RBFOX1: variants seen among roughly 807,000 people sequenced by gnomAD.
RBFOX1 encodes RNA binding protein fox-1 homolog 1.
RBFOX1 carries 8 observed loss-of-function variants against 57.7 expected under a neutral mutation model. The ratio of observed to expected loss-of-function variants is 0.14; its 90% confidence interval spans 0.08 to 0.25. RBFOX1 has a LOEUF of 0.25. Among genes scored for constraint, RBFOX1 ranks in the 10% least tolerant of loss-of-function variants. The pLI, the probability that RBFOX1 is intolerant of heterozygous loss-of-function variation, is 1.00. For missense variants in RBFOX1, 611 were observed against 548.5 expected (o/e 1.11, Z -1.14); for synonymous variants, 326 against 222.4 (o/e 1.47, Z -4.15).
intron 1 of RBFOX1, among the ~76,000 whole-genome samples, chr16:6,141,584 C>T (rs1487427982): frequency 1.3e-5 from 2 of 152,168 alleles, no homozygotes; most frequent in Admixed American, 1.3e-4. Flanking sequence ...CCCTGCTTGT[C>T]CAATCCACCA....
At chr16:7,458,849 G>A (rs922284187) in intron 4 of RBFOX1, among the ~76,000 whole-genome samples, 7 of 152,104 alleles carry the variant, frequency 4.6e-5, no homozygotes, top group African/African-American at 1.7e-4. Context: ...ATCACCATTT[G>A]ACATACTATG....
At chr16:5,742,226 TCCTTCCTTCCTC>T (rs1212885535) in intron 3 of RBFOX1, among the ~76,000 whole-genome samples, 1 of 55,096 alleles carries the variant, frequency 1.8e-5, no homozygotes, top group Non-Finnish European at 4.2e-5. Context: ...CTTCCTCCCT[TCCTTCCTTCCTC>T]CCTTCCTTCC....
intron 4 of RBFOX1, among the ~76,000 whole-genome samples, chr16:7,056,295 C>G (rs573378864): frequency 3.3e-5 from 5 of 152,324 alleles, no homozygotes; most frequent in African/African-American, 1.2e-4. Flanking sequence ...AACAGGGAAA[C>G]TTGTTCATTC....
At chr16:7,193,319 A>G (rs777017176) in intron 4 of RBFOX1, among the ~76,000 whole-genome samples, 8 of 152,186 alleles carry the variant, frequency 5.3e-5, no homozygotes, top group Non-Finnish European at 1.2e-4. Flanking sequence ...GAGTCTAGAA[A>G]AGGCAAGAAC....
At chr16:6,999,229 A>ATTTTT (rs1208010446) in intron 3 of RBFOX1, among the ~76,000 whole-genome samples, 1 of 66,796 alleles carries the variant, frequency 1.5e-5, no homozygotes, top group African/African-American at 5.3e-5. Context: ...TTTTTTATTT[A>ATTTTT]TTTTTTTTTT....
chr16:6,541,410 C>T (rs147745005), intron 2 of RBFOX1, among the ~76,000 whole-genome samples: 2 of 152,316 alleles, frequency 1.3e-5, no homozygotes, highest in Admixed American at 6.5e-5. Context: ...CAGCACTGGA[C>T]AGTTCCCTGC....
chr16:6,507,405 T>G (rs979048860), intron 2 of RBFOX1, among the ~76,000 whole-genome samples: 1 of 147,926 alleles, frequency 6.8e-6, no homozygotes, highest in African/African-American at 2.5e-5. Context: ...GCATGGAGGC[T>G]AATGCCTGTA....
intron 3 of RBFOX1, among the ~76,000 whole-genome samples, chr16:6,702,549 A>G (rs1424673737): frequency 1.1e-4 from 4 of 35,982 alleles, no homozygotes; most frequent in African/African-American, 2.8e-4. Context: ...GCGAGAGTCC[A>G]TCTCAAAAAA....
chr16:6,333,953 G>C (rs745886456), intron 2 of RBFOX1, among the ~76,000 whole-genome samples: 1 of 152,146 alleles, frequency 6.6e-6, no homozygotes, highest in African/African-American at 2.4e-5. Context: ...GAGGGCCAAA[G>C]AACAATTAAA....
chr16:7,094,280 A>G (rs2061335095), intron 4 of RBFOX1, among the ~76,000 whole-genome samples: 1 of 152,134 alleles, frequency 6.6e-6, no homozygotes, highest in African/African-American at 2.4e-5. Context: ...TACCAACAAG[A>G]TAATTTCGGG....
chr16:6,067,326 C>A (rs960981670), intron 1 of RBFOX1, among the ~76,000 whole-genome samples: 3 of 151,760 alleles, frequency 2.0e-5, no homozygotes, highest in African/African-American at 7.3e-5. Context: ...ACATTCTGTG[C>A]CCGATATAGC....
At chr16:6,001,975 T>G (rs2060608071) in intron 4 of RBFOX1, among the ~76,000 whole-genome samples, 1 of 150,710 alleles carries the variant, frequency 6.6e-6, no homozygotes, top group Admixed American at 6.6e-5. Context: ...AACCTTTTTT[T>G]TTTTTTTTTG....
At chr16:7,361,729 G>T (rs1021989998) in intron 4 of RBFOX1, among the ~76,000 whole-genome samples, 4 of 152,188 alleles carry the variant, frequency 2.6e-5, no homozygotes, top group African/African-American at 7.2e-5. Context: ...GCATGCTGGT[G>T]AAAGTAGGCA....
intron 3 of RBFOX1, among the ~76,000 whole-genome samples, chr16:6,835,454 T>C (rs1189575581): frequency 6.6e-6 from 1 of 152,094 alleles, no homozygotes; most frequent in African/African-American, 2.4e-5. Context: ...TAACACAATT[T>C]AAGTTTCTAT....
chr16:7,280,945 T>TTCCTTCCCTCCCTCCC (rs1568014707), intron 4 of RBFOX1, among the ~76,000 whole-genome samples: 5 of 130,320 alleles, frequency 3.8e-5, no homozygotes, highest in African/African-American at 8.8e-5. Context: ...TTGCATGTGA[T>TTCCTTCCCTCCCTCCC]TCCCTACCTA....
intron 4 of RBFOX1, among the ~76,000 whole-genome samples, chr16:7,088,606 T>C (rs762209065): frequency 3.9e-5 from 6 of 151,992 alleles, no homozygotes; most frequent in Non-Finnish European, 7.4e-5. Flanking sequence ...TAGTTATGAA[T>C]TACAATATTT....
At chr16:6,584,370 T>C (rs2097577286) in intron 2 of RBFOX1, among the ~76,000 whole-genome samples, 2 of 147,720 alleles carry the variant, frequency 1.4e-5, no homozygotes, top group Admixed American at 1.4e-4. Flanking sequence ...TTATTATTAT[T>C]ATTATTATTA....
At chr16:7,018,477 T>C (rs902573287) in intron 3 of RBFOX1, among the ~76,000 whole-genome samples, 4 of 152,318 alleles carry the variant, frequency 2.6e-5, no homozygotes, top group Admixed American at 2.6e-4. Context: ...CAGTCTATCA[T>C]TGATGGACAT....
At chr16:6,025,501 G>T (rs532857700) in intron 1 of RBFOX1, among the ~76,000 whole-genome samples, 47 of 152,308 alleles carry the variant, frequency 3.1e-4, no homozygotes, top group African/African-American at 1.0e-3. Context: ...AACATCATGT[G>T]TTCTTGTGTG....
Sources: allele counts gnomAD v4.1 joint callset (sites outside exome capture counted in the v4.1 genomes callset), GRCh38; gene constraint gnomAD v4.1.1; transcripts MANE v1.5; gene names NCBI Gene and HGNC (gene_info 2026-07-23, HGNC 2026-07-21).